Variants in EPHX2 observed in about 807,000 individuals in gnomAD.
EPHX2 encodes epoxide hydrolase 2.
In EPHX2, 74 loss-of-function variants were observed where a neutral mutation model predicts 78.7. The observed-to-expected ratio is 0.94, with a 90% CI of 0.78 to 1.14. EPHX2 has a LOEUF of 1.14. EPHX2 is among the 50% of genes most tolerant of loss of function. The pLI, the probability that EPHX2 is intolerant of heterozygous loss-of-function variation, is 0.00. For synonymous variants in EPHX2, 251 were observed against 255.2 expected (o/e 0.98, Z 0.16); for missense variants, 715 against 702.5 (o/e 1.02, Z -0.20).
chr8:27,538,609 T>C (rs1018089554), intron 13 of EPHX2, 50 bp from the exon 14 acceptor site: 3 of 1,547,862 alleles, frequency 1.9e-6, no homozygotes, highest in Non-Finnish European at 2.7e-6. Context: ...GCATATTTCC[T>C]TTGTATCACC....
chr8:27,500,938 T>C lies in EPHX2; in HGVS notation c.114T>C (p.Asn38=). 1 of 1,613,240 alleles carries C rather than the reference T, an allele frequency of 6.2e-7. No individual in the cohort carries two copies. The highest frequency in any genetic ancestry group is 8.5e-7 in the Non-Finnish European group (1 of 1,179,614). The change falls in exon 2 of 19, where the codon AAT becomes AAC. Residue 38 remains asparagine (N), a synonymous_variant. Coordinates refer to ENST00000521400, the MANE Select transcript of EPHX2 (RefSeq NM_001979.6). ...TTGTGTTTTCCAGAGGACTTCTGAA[T>C]GATGCTTTCCAGAAAGGGGGACCAG... ...EALALPRGLL[N]DAFQKGGPEG...
intron 2 of EPHX2, 48 bp from the exon 3 acceptor site, chr8:27,503,556 G>A: frequency 1.3e-6 from 2 of 1,556,746 alleles, no homozygotes; most frequent in Non-Finnish European, 1.7e-6. Context: ...CCCTGCCAGA[G>A]CTTTTCTGAG....
At position 27,503,595 on chromosome 8, in the gene EPHX2, C is replaced by T. The variant is rs1813879198; in HGVS notation, c.187-9C>T. On this transcript the variant is annotated splice_polypyrimidine_tract_variant and intron_variant, in intron 2 of 18. Coordinates refer to ENST00000521400, the MANE Select transcript of EPHX2 (RefSeq NM_001979.6). ...CCATACAAATTGTCCCCTCACTTCA[C>T]TTTGACAGTGGATACCACTCATGGA... 3.1e-6 allele frequency: 5 copies of T among 1,604,610 alleles called. No homozygotes were observed. Among genetic ancestry groups the T allele is most frequent in the Non-Finnish European group, 4.3e-6 (5 of 1,174,892 alleles).
At chr8:27,534,979 T>C (rs1440846346) in intron 12 of EPHX2, among the ~76,000 whole-genome samples, 3 of 152,160 alleles carry the variant, frequency 2.0e-5, no homozygotes, top group Non-Finnish European at 4.4e-5. Flanking sequence ...CACAATGTGT[T>C]AAACCAGGGA....
intron 2 of EPHX2, among the ~76,000 whole-genome samples, chr8:27,501,394 T>TCC (rs1554519576): frequency 1.4e-5 from 1 of 73,124 alleles, no homozygotes; most frequent in African/African-American, 4.2e-5. Flanking sequence ...CTTCTTCTTC[T>TCC]TTCTTCTTTC....
At chr8:27,528,495 G>C (rs1190155632) in intron 12 of EPHX2, among the ~76,000 whole-genome samples, 1 of 152,146 alleles carries the variant, frequency 6.6e-6, no homozygotes, top group African/African-American at 2.4e-5. Flanking sequence ...CTGGCCCTCA[G>C]TTTCCTCATC....
rs1814523792 is a variant in EPHX2, at chr8:27,518,062, T to C, written c.935T>C (p.Val312Ala). ...GAAATAGAAGAATATTGCATGGAAG[T>C]GTTATGTAAGGTAAGAAGAATCTTG... ...PPEIEEYCME[V>A]LCKEMVTFLD... The change falls in exon 9 of 19, where the codon GTG becomes GCG. Residue 312 changes from valine (V) to alanine (A), a missense_variant. Physicochemically the swap from Val to Ala is moderately conservative, Grantham distance 64 (BLOSUM62 0). Coordinates refer to ENST00000521400, the MANE Select transcript of EPHX2 (RefSeq NM_001979.6). The C allele has an allele frequency of 6.3e-7, 1 of 1,599,572 alleles. No individual in the cohort carries two copies. Among genetic ancestry groups the C allele is most frequent in the African/African-American group, 1.3e-5 (1 of 74,220 alleles).
chr8:27,515,425 G>C, intron 6 of EPHX2: 1 of 384,048 alleles, frequency 2.6e-6, no homozygotes, highest in South Asian at 2.9e-5. Flanking sequence ...GAGTATGGGG[G>C]CCTTGTAGAG....
At chr8:27,529,760 A>G (rs1440488801) in intron 12 of EPHX2, among the ~76,000 whole-genome samples, 1 of 152,060 alleles carries the variant, frequency 6.6e-6, no homozygotes, top group African/African-American at 2.4e-5. Context: ...TAAAAATACA[A>G]AAGAGCTGGG....
rs146106702 is a variant in EPHX2, at chr8:27,536,985, T to C, written c.1242+130T>C. The C allele has an allele frequency of 9.0e-6, 8 of 890,650 alleles. No homozygotes were observed. The Admixed American group carries it at 1.2e-4, about 13-fold the overall frequency. The allele number at this position is 890,650 out of a possible 1,614,324, so 55.2% of individuals were successfully genotyped here. Reference sequence around the variant, plus strand: ...TCTTTCATTTCTATAGTCAGGGTAATTGAGGTCCTCACTCTACTGGGAAAA... The same window carrying C: ...TCTTTCATTTCTATAGTCAGGGTAACTGAGGTCCTCACTCTACTGGGAAAA... On this transcript the variant is annotated intron_variant, in intron 13 of 18. Coordinates refer to ENST00000521400, the MANE Select transcript of EPHX2 (RefSeq NM_001979.6).
chr8:27,533,857 G>T (rs1815125058), intron 12 of EPHX2, among the ~76,000 whole-genome samples: 4 of 152,112 alleles, frequency 2.6e-5, no homozygotes, highest in Non-Finnish European at 5.9e-5. Flanking sequence ...CGAAGTGCTG[G>T]GATTACAGGC....
intron 1 of EPHX2, among the ~76,000 whole-genome samples, chr8:27,495,694 A>G (rs1482098279): frequency 2.6e-5 from 4 of 152,230 alleles, no homozygotes; most frequent in African/African-American, 2.4e-5. Flanking sequence ...TAAGATGGCC[A>G]CTGCTGCAAC....
In EPHX2 at chr8:27,525,428, C is replaced by G. The variant is rs144164948; in HGVS notation, c.1125C>G (p.Ile375Met). The change falls in exon 12 of 19, where the codon ATC becomes ATG. Residue 375 changes from isoleucine to methionine, a missense_variant. Coordinates refer to ENST00000521400, the MANE Select transcript of EPHX2 (RefSeq NM_001979.6). ...ANPNMSPLES[I>M]KANPVFDYQL... ...CCAACATGTCCCCTTTGGAGAGTAT[C>G]AAAGCCAACCCAGTATTTGATTACC... is the stretch of plus-strand genomic sequence containing the variant. 3.5e-4 allele frequency: 570 copies of G among 1,614,166 alleles called. No individual in the cohort carries two copies. Among genetic ancestry groups the G allele is most frequent in the Middle Eastern group, 4.9e-4 (3 of 6,062 alleles).
chr8:27,544,440 C>T lies in EPHX2; in HGVS notation c.1590-4C>T. ...TTTTTCTTTTACTTCTCCCTTTCCC[C>T]CAGGCCAACCGAGGTGAATCAGATC... is the stretch of plus-strand genomic sequence containing the variant. On this transcript the variant is annotated splice_region_variant and splice_polypyrimidine_tract_variant and intron_variant, in intron 18 of 18. Transcript: ENST00000521400. The T allele has an allele frequency of 1.2e-6, 2 of 1,614,088 alleles. No individual in the cohort carries two copies. The highest frequency in any genetic ancestry group is 1.7e-6 in the Non-Finnish European group (2 of 1,180,018).
chr8:27,493,761 T>A (rs1813472324), intron 1 of EPHX2, among the ~76,000 whole-genome samples: 1 of 152,214 alleles, frequency 6.6e-6, no homozygotes, highest in African/African-American at 2.4e-5. Context: ...CTGGGTAGAA[T>A]AAACTGGTTG....
At chr8:27,525,107 T>TAC in intron 11 of EPHX2, among the ~76,000 whole-genome samples, 1 of 103,456 alleles carries the variant, frequency 9.7e-6, no homozygotes, top group South Asian at 2.9e-4. Context: ...TGTGTGTGTG[T>TAC]GCGCGCGCGC....
At chr8:27,540,098 C>T (rs1198826004) in intron 14 of EPHX2, among the ~76,000 whole-genome samples, 1 of 152,142 alleles carries the variant, frequency 6.6e-6, no homozygotes, top group Non-Finnish European at 1.5e-5. Flanking sequence ...AGCCACCTGG[C>T]CTGGGTTCTC....
chr8:27,536,149 T>A (rs1474759882), intron 12 of EPHX2, among the ~76,000 whole-genome samples: 3 of 152,216 alleles, frequency 2.0e-5, no homozygotes, highest in Non-Finnish European at 2.9e-5. Flanking sequence ...CCCAGCTCTT[T>A]AACAGTGGAA....
At chr8:27,512,327 A>AG (rs1814282831) in intron 6 of EPHX2, among the ~76,000 whole-genome samples, 1 of 152,238 alleles carries the variant, frequency 6.6e-6, no homozygotes, top group Non-Finnish European at 1.5e-5. Flanking sequence ...TAAAGCATGC[A>AG]CACAGCTGGC....
Sources: gnomAD v4.1 joint callset for allele counts (sites outside exome capture counted in the v4.1 genomes callset) on GRCh38, gnomAD v4.1.1 for gene constraint, MANE v1.5 for transcripts, NCBI Gene and HGNC (gene_info 2026-07-23, HGNC 2026-07-21) for gene names.